RASAL2: variants seen among roughly 807,000 people sequenced by gnomAD.
RASAL2 encodes the protein ras GTPase-activating protein nGAP.
RASAL2 carries 58 observed loss-of-function variants against 128.9 expected under a neutral mutation model. The observed-to-expected ratio is 0.45, with a 90% CI of 0.36 to 0.56. RASAL2 has a LOEUF of 0.56. RASAL2 is among the 20% of genes least tolerant of loss of function. RASAL2 has a pLI of 0.00. For synonymous variants in RASAL2, 561 were observed against 580.8 expected (o/e 0.97, Z 0.49); for missense variants, 1,360 against 1,601.6 (o/e 0.85, Z 2.57).
intron 5 of RASAL2, among the ~76,000 whole-genome samples, chr1:178,426,242 A>G (rs1675505696): frequency 6.6e-6 from 1 of 152,224 alleles, no homozygotes; most frequent in African/African-American, 2.4e-5. Context: ...AAGTGATAAC[A>G]ACCCAAATGC....
intron 1 of RASAL2, among the ~76,000 whole-genome samples, chr1:178,200,946 G>A (rs748225344): frequency 7.2e-5 from 11 of 152,112 alleles, no homozygotes; most frequent in African/African-American, 1.2e-4. Flanking sequence ...CCCTGAGGCC[G>A]GTGCCTGGCA....
rs565482633 is a variant in RASAL2, at chr1:178,130,184, A to G, written c.202+35490A>G. 1.7e-3 allele frequency among the ~76,000 whole-genome samples: 255 copies of G among 152,290 alleles called. 1 individual carries two copies. Among genetic ancestry groups the G allele is most frequent in the African/African-American group, 5.9e-3 (245 of 41,566 alleles). On this transcript the variant is annotated intron_variant, in intron 1 of 17. Transcript: ENST00000367649. Reference sequence around the variant, plus strand: ...CTCAAACTTGATTTTTTTAAAGGCCAATTTCCATATCTGTTTCATTGTCAC... The same window carrying G: ...CTCAAACTTGATTTTTTTAAAGGCCGATTTCCATATCTGTTTCATTGTCAC...
chr1:178,256,498 A>G (rs1011670761), intron 1 of RASAL2, among the ~76,000 whole-genome samples: 1 of 152,200 alleles, frequency 6.6e-6, no homozygotes, highest in Admixed American at 6.5e-5. Context: ...AACCAGGGCA[A>G]TTAGGCAACA....
intron 1 of RASAL2, among the ~76,000 whole-genome samples, chr1:178,235,714 G>A (rs1300011812): frequency 6.6e-6 from 1 of 152,124 alleles, no homozygotes; most frequent in Non-Finnish European, 1.5e-5. Context: ...TCAAGTGCCT[G>A]TGCAGAGGTC....
intron 1 of RASAL2, among the ~76,000 whole-genome samples, chr1:178,189,219 A>G (rs923777059): frequency 2.0e-5 from 3 of 152,168 alleles, no homozygotes; most frequent in African/African-American, 7.2e-5. Context: ...TACAGTTCTT[A>G]TATTCCTTGG....
At chr1:178,402,781 A>G (rs929057331) in intron 4 of RASAL2, among the ~76,000 whole-genome samples, 4 of 152,010 alleles carry the variant, frequency 2.6e-5, no homozygotes, top group African/African-American at 9.7e-5. Context: ...GCCCCCCTCC[A>G]TCTCTGATGC....
At chr1:178,314,400 C>T (rs527743824) in intron 3 of RASAL2, among the ~76,000 whole-genome samples, 118 of 152,286 alleles carry the variant, frequency 7.7e-4, no homozygotes, top group African/African-American at 2.7e-3. Context: ...TCTCTTGCAG[C>T]TTTTAAAGTA....
In RASAL2 at chr1:178,201,046, G is replaced by C. The variant is rs559656576; in HGVS notation, c.203-82518G>C. 1.2e-3 allele frequency among the ~76,000 whole-genome samples: 190 copies of C among 152,328 alleles called. 2 individuals are homozygous for C. The highest frequency in any genetic ancestry group is 4.0e-3 in the African/African-American group (166 of 41,576). ...AGCAGGCTCCTAGAGGTGAGGTTCAGAGTGTGACCCACAAGGAGGTGTGCT... is the reference window on the plus strand; with the variant it reads ...AGCAGGCTCCTAGAGGTGAGGTTCACAGTGTGACCCACAAGGAGGTGTGCT... On this transcript the variant is annotated intron_variant, in intron 1 of 17. Transcript: ENST00000367649.
intron 1 of RASAL2, among the ~76,000 whole-genome samples, chr1:178,282,448 A>C (rs924111004): frequency 6.6e-6 from 1 of 152,198 alleles, no homozygotes; most frequent in Non-Finnish European, 1.5e-5. Context: ...TATTTGGTTA[A>C]TTATAATGTA....
intron 1 of RASAL2, among the ~76,000 whole-genome samples, chr1:178,258,316 A>G (rs1045590067): frequency 6.6e-6 from 1 of 151,016 alleles, no homozygotes; most frequent in Non-Finnish European, 1.5e-5. Flanking sequence ...AAAAAAGACG[A>G]CAGTGAAAGG....
At chr1:178,210,520 C>T (rs752245964) in intron 1 of RASAL2, among the ~76,000 whole-genome samples, 4 of 152,064 alleles carry the variant, frequency 2.6e-5, no homozygotes, top group Non-Finnish European at 4.4e-5. Context: ...TTTTTTGTGA[C>T]TCATTTGTTG....
chr1:178,262,679 T>A (rs1477831339), intron 1 of RASAL2, among the ~76,000 whole-genome samples: 1 of 152,168 alleles, frequency 6.6e-6, no homozygotes, highest in Non-Finnish European at 1.5e-5. Flanking sequence ...AGTTTAGCCA[T>A]CAACTGTGAG....
intron 1 of RASAL2, among the ~76,000 whole-genome samples, chr1:178,151,845 C>G (rs765921546): frequency 2.8e-4 from 43 of 152,184 alleles, no homozygotes; most frequent in Admixed American, 4.6e-4. Flanking sequence ...GCCAGCTGTT[C>G]CACTGTACCC....
intron 14 of RASAL2, among the ~76,000 whole-genome samples, chr1:178,460,555 A>T (rs10913555): frequency 0.065 from 9,923 of 152,186 alleles, 593 homozygotes; most frequent in African/African-American, 0.16. Flanking sequence ...TCTCCAAACA[A>T]CCAATATAAA....
intron 1 of RASAL2, among the ~76,000 whole-genome samples, chr1:178,236,824 T>C (rs1571678189): frequency 6.8e-6 from 1 of 146,002 alleles, no homozygotes; most frequent in Non-Finnish European, 1.5e-5. Context: ...AGGCCAGTGG[T>C]GCGATCTCGG....
chr1:178,366,145 G>A (rs1671386262), intron 3 of RASAL2, among the ~76,000 whole-genome samples: 1 of 152,118 alleles, frequency 6.6e-6, no homozygotes, highest in Non-Finnish European at 1.5e-5. Flanking sequence ...AATGCACACT[G>A]AAACAGTTGC....
chr1:178,184,523 G>A (rs1041540713), intron 1 of RASAL2, among the ~76,000 whole-genome samples: 1 of 151,614 alleles, frequency 6.6e-6, no homozygotes, highest in Non-Finnish European at 1.5e-5. Context: ...TTTGTGTTTA[G>A]GTTCATAGTT....
In RASAL2 at chr1:178,439,510, A is replaced by C. The variant is rs1233552698; in HGVS notation, c.763A>C (p.Arg255=). The change falls in exon 6 of 18, where the codon AGA becomes CGA. Residue 255 remains arginine (R), a synonymous_variant. Coordinates refer to ENST00000367649, the MANE Select transcript of RASAL2 (RefSeq NM_170692.4). ...CACAGTGGAATGTCTGGATCTTGGT[A>C]GAGGGGAACCTGTATCAGTGAAACC... ...CSTVECLDLG[R]GEPVSVKPLH... 2.5e-6 allele frequency: 4 copies of C among 1,612,988 alleles called. No homozygotes were observed. The highest frequency in any genetic ancestry group is 3.4e-6 in the Non-Finnish European group (4 of 1,179,254).
At chr1:178,233,986 T>G (rs1374813854) in intron 1 of RASAL2, among the ~76,000 whole-genome samples, 1 of 152,220 alleles carries the variant, frequency 6.6e-6, no homozygotes, top group Non-Finnish European at 1.5e-5. Context: ...ATTTTCTCAT[T>G]ATAAAACAAA....
Sources: gnomAD v4.1 joint callset for allele counts (sites outside exome capture counted in the v4.1 genomes callset) on GRCh38, gnomAD v4.1.1 for gene constraint, MANE v1.5 for transcripts, NCBI Gene and HGNC (gene_info 2026-07-23, HGNC 2026-07-21) for gene names.